Variants in GADL1 observed in about 807,000 individuals in gnomAD.
GADL1 encodes acidic amino acid decarboxylase GADL1.
A neutral mutation model predicts 69.5 loss-of-function variants in GADL1; 71 were observed. That is an observed-to-expected ratio of 1.02 (90% CI 0.84 to 1.25). The LOEUF is 1.25. Among genes scored for constraint, GADL1 ranks in the 50% most tolerant of loss-of-function variants. The pLI is 0.00. For missense variants in GADL1, 737 were observed against 631.8 expected, an observed-to-expected ratio of 1.17 and a Z score of -1.79; for synonymous variants, 254 against 214.4, an observed-to-expected ratio of 1.18 and a Z score of -1.62.
At chr3:30,844,173 A>C in intron 8 of GADL1, 37 bp downstream of exon 8, 1 of 1,542,606 alleles carries the variant, frequency 6.5e-7, no homozygotes, top group Non-Finnish European at 8.9e-7. Context: ...GCGCACACAC[A>C]CACGTTCTCT....
chr3:30,801,229 A>G (rs916520576), intron 11 of GADL1, 141 bp from the exon 12 acceptor site: 13 of 646,210 alleles, frequency 2.0e-5, no homozygotes, highest in Non-Finnish European at 3.3e-5. Flanking sequence ...CATCAGACAC[A>G]ATCAGTGTAC....
intron 12 of GADL1, among the ~76,000 whole-genome samples, chr3:30,793,054 C>A (rs1000876794): frequency 1.3e-5 from 2 of 152,114 alleles, no homozygotes; most frequent in Admixed American, 6.6e-5. Flanking sequence ...TTTTAAATAT[C>A]CTAATGAGTA....
At chr3:30,763,508 G>A (rs1233869880) in intron 14 of GADL1, among the ~76,000 whole-genome samples, 33 of 93,312 alleles carry the variant, frequency 3.5e-4, no homozygotes, top group African/African-American at 1.3e-3. Flanking sequence ...TCTCGGCGGC[G>A]GGGGGTGGGG....
At chr3:30,761,682 T>C (rs1208753515) in intron 14 of GADL1, among the ~76,000 whole-genome samples, 1 of 149,204 alleles carries the variant, frequency 6.7e-6, no homozygotes, top group Non-Finnish European at 1.5e-5. Context: ...AGGAATGAGA[T>C]TTTTTTAGAC....
intron 14 of GADL1, among the ~76,000 whole-genome samples, chr3:30,773,145 T>G (rs942704527): frequency 1.3e-5 from 2 of 152,176 alleles, no homozygotes; most frequent in African/African-American, 4.8e-5. Context: ...AAGAAAAGAT[T>G]AAAACATTTT....
chr3:30,729,857 A>T (rs1274277708), intron 14 of GADL1, among the ~76,000 whole-genome samples: 1 of 152,236 alleles, frequency 6.6e-6, no homozygotes, highest in Admixed American at 6.5e-5. Context: ...TGCTTGCAAT[A>T]ACAAAACAAA....
rs773530741 is a variant in GADL1, at chr3:30,816,530, C to CTTTTTTTTTTT, written c.1051-15453_1051-15443dup. Reference sequence around the variant, plus strand: ...AGACCATATATTCTTAATTTGTTTTCTTTTTTTTTTTTTTTTTTTTTTTTT... The same window carrying CTTTTTTTTTTT: ...AGACCATATATTCTTAATTTGTTTTCTTTTTTTTTTTTTTTTTTTTTTTTTTTTTTTTTTTT... On this transcript the variant is annotated intron_variant, in intron 11 of 14. Transcript: ENST00000282538. Among the ~76,000 whole-genome samples the CTTTTTTTTTTT allele has an allele frequency of 8.5e-4, 46 of 53,988 alleles. 15 individuals carry two copies. The highest frequency in any genetic ancestry group is 1.2e-3 in the East Asian group (2 of 1,666). The allele number at this position is 53,988 out of a possible 152,430, so 35.4% of individuals were successfully genotyped here.
rs189151274 is a variant in GADL1 at position 30,837,446 on chromosome 3, G to C, written c.903+1551C>G. ...TACTATGCACAAATAGGATAATTTG[G>C]TGTGGTTTACATTCCCTTATAAAGA... On this transcript the variant is annotated intron_variant, in intron 9 of 14. Coordinates refer to ENST00000282538, the MANE Select transcript of GADL1 (RefSeq NM_207359.3). Among the ~76,000 whole-genome samples, 19 of 152,180 alleles carry C rather than the reference G, an allele frequency of 1.2e-4. No individual in the cohort carries two copies. The East Asian group carries it at 1.9e-3, about 16-fold the overall frequency.
At chr3:30,780,772 C>T (rs796659236) in intron 13 of GADL1, among the ~76,000 whole-genome samples, 63 of 152,294 alleles carry the variant, frequency 4.1e-4, no homozygotes, top group African/African-American at 1.5e-3. Flanking sequence ...AGTGCTACAA[C>T]ATTTGAAAGC....
At chr3:30,747,829 CT>C (rs914718351) in intron 14 of GADL1, among the ~76,000 whole-genome samples, 4 of 152,088 alleles carry the variant, frequency 2.6e-5, no homozygotes, top group Non-Finnish European at 4.4e-5. Context: ...GGATTGTGGC[CT>C]GTGGTTTAAC....
intron 4 of GADL1, among the ~76,000 whole-genome samples, chr3:30,852,726 T>A (rs568918740): frequency 2.6e-5 from 4 of 152,150 alleles, no homozygotes; most frequent in African/African-American, 7.2e-5. Flanking sequence ...GAGGAAAAGA[T>A]AAGATAGAAC....
intron 14 of GADL1, among the ~76,000 whole-genome samples, chr3:30,748,279 C>A (rs1695741280): frequency 1.3e-5 from 2 of 152,108 alleles, no homozygotes. Flanking sequence ...TTCCTTTAGA[C>A]TATTTTAAAT....
intron 14 of GADL1, among the ~76,000 whole-genome samples, chr3:30,753,971 C>T (rs1179556302): frequency 1.3e-5 from 2 of 152,126 alleles, no homozygotes; most frequent in African/African-American, 4.8e-5. Flanking sequence ...CGCTAAAAGC[C>T]ATGGCCACCT....
chr3:30,864,286 G>C (rs1314894791), intron 1 of GADL1, among the ~76,000 whole-genome samples: 1 of 151,504 alleles, frequency 6.6e-6, no homozygotes, highest in African/African-American at 2.4e-5. Context: ...AGGATTTCAA[G>C]CTTTTATTAC....
chr3:30,849,777 A>T (rs561530888), intron 6 of GADL1, among the ~76,000 whole-genome samples: 1 of 152,258 alleles, frequency 6.6e-6, no homozygotes, highest in South Asian at 2.1e-4. Context: ...AAATGTTGTT[A>T]CAGACTATAA....
At chr3:30,870,518 C>A (rs951422181) in intron 1 of GADL1, among the ~76,000 whole-genome samples, 1 of 151,640 alleles carries the variant, frequency 6.6e-6, no homozygotes, top group Non-Finnish European at 1.5e-5. Flanking sequence ...ACTCTAAAAT[C>A]AACAAGAAGC....
chr3:30,773,873 C>T (rs1017852352), intron 14 of GADL1, among the ~76,000 whole-genome samples: 1 of 151,980 alleles, frequency 6.6e-6, no homozygotes, highest in Non-Finnish European at 1.5e-5. Context: ...AAAATTTACC[C>T]ATGAATAGCT....
At chr3:30,861,238 G>A (rs1204115270) in intron 2 of GADL1, among the ~76,000 whole-genome samples, 1 of 151,332 alleles carries the variant, frequency 6.6e-6, no homozygotes. Context: ...AGAAAATGGG[G>A]AGCAAAGAGC....
chr3:30,866,037 G>A (rs938122789), intron 1 of GADL1, among the ~76,000 whole-genome samples: 8 of 152,094 alleles, frequency 5.3e-5, no homozygotes, highest in African/African-American at 1.7e-4. Flanking sequence ...GATTTTGAGA[G>A]ATAGCCTCTT....
Sources: gnomAD v4.1 joint callset for allele counts (sites outside exome capture counted in the v4.1 genomes callset) on GRCh38, gnomAD v4.1.1 for gene constraint, MANE v1.5 for transcripts, NCBI Gene and HGNC (gene_info 2026-07-23, HGNC 2026-07-21) for gene names.